Variants in YES1 observed in about 807,000 individuals in gnomAD.
The protein encoded by YES1 is tyrosine-protein kinase Yes.
In YES1, 39 loss-of-function variants were observed where a neutral mutation model predicts 70.4. That is an observed-to-expected ratio of 0.55 (90% CI 0.43 to 0.72). YES1 has a LOEUF of 0.72. Ranked by LOEUF, YES1 falls within the 30% of genes least tolerant of loss-of-function variation. The pLI, the probability that YES1 is intolerant of heterozygous loss-of-function variation, is 0.00. For synonymous variants in YES1, 198 were observed against 218.6 expected (o/e 0.91, Z 0.83); for missense variants, 495 against 644.8 (o/e 0.77, Z 2.52).
chr18:764,742 CTTTT>C (rs1247339861), intron 1 of YES1, among the ~76,000 whole-genome samples: 1 of 151,540 alleles, frequency 6.6e-6, no homozygotes, highest in South Asian at 2.1e-4. Context: ...TTTTTTCTCT[CTTTT>C]TTTTGAGACG....
intron 11 of YES1, among the ~76,000 whole-genome samples, chr18:731,775 G>A (rs1445511498): frequency 1.3e-5 from 2 of 151,662 alleles, no homozygotes; most frequent in Admixed American, 6.6e-5. Flanking sequence ...AGACCATCCT[G>A]GTTAACACGG....
chr18:772,917 A>G (rs1417877975), intron 1 of YES1, among the ~76,000 whole-genome samples: 2 of 152,184 alleles, frequency 1.3e-5, no homozygotes, highest in African/African-American at 4.8e-5. Flanking sequence ...TGCATGGCCA[A>G]GAGTAAAAGC....
At chr18:764,037 A>ACT (rs1904736100) in intron 1 of YES1, among the ~76,000 whole-genome samples, 1 of 151,270 alleles carries the variant, frequency 6.6e-6, no homozygotes, top group Non-Finnish European at 1.5e-5. Context: ...GGAGAATGGC[A>ACT]TGAACCCGGG....
At chr18:797,358 G>A (rs563193736) in intron 1 of YES1, among the ~76,000 whole-genome samples, 233 of 152,058 alleles carry the variant, frequency 1.5e-3, no homozygotes, top group African/African-American at 5.3e-3. Flanking sequence ...TATAGAAAGA[G>A]CTTTAAACCT....
chr18:731,922 G>C (rs1243280508), intron 11 of YES1, among the ~76,000 whole-genome samples: 1 of 137,478 alleles, frequency 7.3e-6, no homozygotes, highest in African/African-American at 2.8e-5. Context: ...AGCTGAGATC[G>C]TGCCACTGCA....
chr18:769,005 G>A (rs1905035555), intron 1 of YES1, among the ~76,000 whole-genome samples: 1 of 152,032 alleles, frequency 6.6e-6, no homozygotes, highest in Admixed American at 6.6e-5. Context: ...CCTGGCCCTA[G>A]ATATGTTTAG....
At chr18:798,774 C>T (rs1181322525) in intron 1 of YES1, among the ~76,000 whole-genome samples, 1 of 152,168 alleles carries the variant, frequency 6.6e-6, no homozygotes, top group Non-Finnish European at 1.5e-5. Flanking sequence ...GGTACACTGT[C>T]CATTAGAATT....
At chr18:759,126 C>G (rs992811560) in intron 1 of YES1, among the ~76,000 whole-genome samples, 1 of 152,170 alleles carries the variant, frequency 6.6e-6, no homozygotes, top group Admixed American at 6.5e-5. Context: ...TTAGATCACT[C>G]TCTTAAATTG....
At chr18:757,260 T>C (rs977455531) in intron 1 of YES1, among the ~76,000 whole-genome samples, 1 of 152,074 alleles carries the variant, frequency 6.6e-6, no homozygotes, top group Non-Finnish European at 1.5e-5. Flanking sequence ...TCCCAGCACT[T>C]TGGGAGGCCA....
intron 1 of YES1, among the ~76,000 whole-genome samples, chr18:773,444 G>C (rs1424885674): frequency 6.6e-6 from 1 of 152,146 alleles, no homozygotes; most frequent in East Asian, 1.9e-4. Context: ...TTTCTTATAT[G>C]GTTGTCTTGT....
intron 1 of YES1, among the ~76,000 whole-genome samples, chr18:807,541 G>A (rs1389213215): frequency 1.3e-5 from 2 of 152,224 alleles, no homozygotes; most frequent in East Asian, 3.9e-4. Flanking sequence ...TGCGACTGCT[G>A]CTATTTGCTT....
rs923694545 is a variant in YES1 at position 723,741 on chromosome 18, C to A, written c.*683G>T. ...CTAAGTCAAACTCTTCAGAAAAGGA[C>A]TGAAGTGAAAAAGTTCTTATTCTTT... On this transcript the variant is annotated 3_prime_UTR_variant, in exon 12 of 12. Transcript: ENST00000314574. The A allele has an allele frequency of 1.3e-5, 2 of 152,608 alleles. No homozygotes were observed. Among genetic ancestry groups the A allele is most frequent in the Non-Finnish European group, 2.9e-5 (2 of 68,032 alleles). 9.5% of individuals were successfully genotyped at this position (152,608 alleles called of 1,614,324 possible).
At chr18:751,335 CTTTT>C (rs201559016) in intron 3 of YES1, among the ~76,000 whole-genome samples, 1 of 150,870 alleles carries the variant, frequency 6.6e-6, no homozygotes, top group Non-Finnish European at 1.5e-5. Context: ...TCTCCCCCTC[CTTTT>C]TTTTTAATAG....
chr18:727,379 T>C (rs910691682), intron 11 of YES1, among the ~76,000 whole-genome samples: 25 of 152,228 alleles, frequency 1.6e-4, no homozygotes, highest in African/African-American at 4.3e-4. Context: ...AATACCATTA[T>C]AGTATTTGTG....
At chr18:805,192 C>T (rs536794210) in intron 1 of YES1, among the ~76,000 whole-genome samples, 10 of 152,246 alleles carry the variant, frequency 6.6e-5, no homozygotes, top group Admixed American at 2.0e-4. Flanking sequence ...CACAAACCTA[C>T]GTGGTATAGC....
At chr18:766,492 G>C (rs537085656) in intron 1 of YES1, among the ~76,000 whole-genome samples, 47 of 151,052 alleles carry the variant, frequency 3.1e-4, no homozygotes, top group African/African-American at 1.1e-3. Context: ...CGTATTTATG[G>C]AAGTATTCCC....
At chr18:778,140 T>A (rs910892357) in intron 1 of YES1, among the ~76,000 whole-genome samples, 4 of 152,184 alleles carry the variant, frequency 2.6e-5, no homozygotes, top group African/African-American at 9.7e-5. Flanking sequence ...TTGAAGAAAC[T>A]GAAATGGAGA....
At chr18:753,611 G>A (rs1354658166) in intron 2 of YES1, among the ~76,000 whole-genome samples, 8 of 152,034 alleles carry the variant, frequency 5.3e-5, no homozygotes, top group Admixed American at 5.2e-4. Context: ...TCAGCGTCCT[G>A]AGTAGCTGGG....
chr18:753,901 G>A (rs192453209), intron 2 of YES1, among the ~76,000 whole-genome samples: 1 of 152,104 alleles, frequency 6.6e-6, no homozygotes, highest in Admixed American at 6.6e-5. Flanking sequence ...TAAGTAAATG[G>A]CCCTACCATC....
Sources: allele counts gnomAD v4.1 joint callset (sites outside exome capture counted in the v4.1 genomes callset), GRCh38; gene constraint gnomAD v4.1.1; transcripts MANE v1.5; gene names NCBI Gene and HGNC (gene_info 2026-07-23, HGNC 2026-07-21).